Variants in SLC34A1 observed in about 807,000 individuals in gnomAD.
SLC34A1 encodes the protein sodium-dependent phosphate transport protein 2A.
A neutral mutation model predicts 51.4 loss-of-function variants in SLC34A1; 57 were observed. The ratio of observed to expected loss-of-function variants is 1.11; its 90% CI spans 0.90 to 1.38. The LOEUF (loss-of-function observed/expected upper bound fraction) is 1.38. SLC34A1 is among the 40% of genes most tolerant of loss of function. The pLI is 0.00. For synonymous variants in SLC34A1, 368 were observed against 358.0 expected, an observed-to-expected ratio of 1.03 and a Z score of -0.32; for missense variants, 796 against 835.6, an observed-to-expected ratio of 0.95 and a Z score of 0.58.
rs199553320 is a variant in SLC34A1, at chr5:177,396,830, G to A, written c.1272G>A (p.Ser424=). ...TCCAGAGCAGTTCTGTGTTCACCTC[G>A]GCCATCACCCCACTCATCGGTGAGT... ...FVVQSSSVFT[S]AITPLIGLGV... The change falls in exon 11 of 13, where the codon TCG becomes TCA. Residue 424 remains serine, a synonymous_variant. Transcript: ENST00000324417. The surrounding 1 kb of genome is among the most constrained non-coding windows in gnomAD (Gnocchi z 4.0). 19 of 1,614,214 alleles carry A rather than the reference G, an allele frequency of 1.2e-5. No individual in the cohort carries two copies. The East Asian group carries it at 2.2e-4, about 19-fold the overall frequency.
rs749842678 is a variant in SLC34A1 at position 177,385,992 on chromosome 5, C to A, written c.115C>A (p.His39Asn). Residue 39 changes from histidine (H) to asparagine (N), a missense_variant, in exon 3 of 13, where the codon CAC becomes AAC. His to Asn is a moderately conservative substitution (Grantham distance 68). Coordinates refer to ENST00000324417, the MANE Select transcript of SLC34A1 (RefSeq NM_003052.5). ...FAYVPSPQVL[H>N]RIPGTSAYAF... ...TGACCAGGCTCCCTCCCTAGTCCTA[C>A]ACAGGATCCCGGGGACCTCTGCCTA... is the stretch of plus-strand genomic sequence containing the variant. 1 of 1,610,614 alleles carries A rather than the reference C, an allele frequency of 6.2e-7. No individual in the cohort carries two copies. The highest frequency in any genetic ancestry group is 8.5e-7 in the Non-Finnish European group (1 of 1,178,956).
chr5:177,392,257 T>C (rs552112674), intron 8 of SLC34A1, among the ~76,000 whole-genome samples: 1 of 151,990 alleles, frequency 6.6e-6, no homozygotes, highest in East Asian at 1.9e-4. Context: ...AGGTCAGGAG[T>C]TCGAGATCAG....
chr5:177,397,256 A>G (rs1763001675), intron 12 of SLC34A1, 182 bp downstream of exon 12: 1 of 667,070 alleles, frequency 1.5e-6, no homozygotes, highest in South Asian at 1.9e-5. Context: ...CTTAGCATCT[A>G]ATAGGGAGAC....
At chr5:177,392,266 A>G (rs1762831314) in intron 8 of SLC34A1, among the ~76,000 whole-genome samples, 1 of 152,208 alleles carries the variant, frequency 6.6e-6, no homozygotes, top group Non-Finnish European at 1.5e-5. Context: ...GTTCGAGATC[A>G]GCCTGGCCAA....
Position 177,398,731 on chromosome 5 carries a change from T to G in SLC34A1, c.*445T>G. On this transcript the variant is annotated 3_prime_UTR_variant, in exon 13 of 13. Transcript: ENST00000324417. The surrounding 1 kb of genome is among the most constrained non-coding windows in gnomAD (Gnocchi z 4.7). The stretch of plus-strand genomic sequence containing the variant: ...TTGCACACCTCCTTGCCACCTTCCT[T>G]CCTCCAAGATACCATCTCCTCATCC... 1 of 198,560 alleles carries G rather than the reference T, an allele frequency of 5.0e-6. No individual in the cohort carries two copies. 12.3% of individuals were successfully genotyped at this position (198,560 alleles called of 1,614,324 possible).
chr5:177,397,616 A>C (rs1763011643), intron 12 of SLC34A1, 167 bp from the exon 13 acceptor site: 1 of 814,008 alleles, frequency 1.2e-6, no homozygotes, highest in African/African-American at 1.7e-5. Flanking sequence ...TTGCATAGCC[A>C]GCATAGCCAC....
Position 177,387,883 on chromosome 5 carries a change from G to C in SLC34A1, c.644+10G>C. On this transcript the variant is annotated intron_variant, in intron 6 of 12. Coordinates refer to ENST00000324417, the MANE Select transcript of SLC34A1 (RefSeq NM_003052.5). ...GGACTGACTTCCGGCGGTGAGGGGG[G>C]CTGGGGGTTGGGGGCTCGTGCCTGG... 6.2e-7 allele frequency: 1 copy of C among 1,607,850 alleles called. No homozygotes were observed. Among genetic ancestry groups the C allele is most frequent in the Non-Finnish European group, 8.5e-7 (1 of 1,176,878 alleles).
At position 177,394,010 on chromosome 5, in the gene SLC34A1, G is replaced by C. The variant is rs1762883492; in HGVS notation, c.1007-18G>C. 1.9e-6 allele frequency: 3 copies of C among 1,613,844 alleles called. No homozygotes were observed. The highest frequency in any genetic ancestry group is 1.7e-6 in the Non-Finnish European group (2 of 1,180,004). On this transcript the variant is annotated intron_variant, in intron 9 of 12. Coordinates refer to ENST00000324417, the MANE Select transcript of SLC34A1 (RefSeq NM_003052.5). ...AGCCAGGTGTGGGGTCAGCTGTCAG[G>C]AGCTCCACCCCCTGCAGGCAACCAC...
At chr5:177,389,662 C>A in intron 8 of SLC34A1, 1 of 1,537,250 alleles carries the variant, frequency 6.5e-7, no homozygotes, top group Non-Finnish European at 8.7e-7. Flanking sequence ...GGAGAGAAAT[C>A]ACACACTTTG....
chr5:177,394,248 CCTG>C (rs1581645833), intron 10 of SLC34A1, 53 bp downstream of exon 10: 1 of 1,557,552 alleles, frequency 6.4e-7, no homozygotes, highest in East Asian at 2.2e-5. Context: ...CTTTCCAGAT[CCTG>C]CTAAGTCCTG....
chr5:177,393,824 G>C, intron 9 of SLC34A1, 61 bp downstream of exon 9: 1 of 1,567,938 alleles, frequency 6.4e-7, no homozygotes. Flanking sequence ...GCAGTGGCAG[G>C]GCAATCCCAC....
chr5:177,386,983 G>A lies in SLC34A1; in HGVS notation c.532+417G>A, dbSNP rs541805321. The stretch of plus-strand genomic sequence containing the variant: ...TTCTTAAAGTCAGCTGACTGTAGAC[G>A]TGAATTGCATCTACAAAACACCTTA... On this transcript the variant is annotated intron_variant, in intron 5 of 12. Transcript: ENST00000324417. The surrounding 1 kb of genome is among the most constrained non-coding windows in gnomAD (Gnocchi z 4.8). Among the ~76,000 whole-genome samples, 45 of 152,172 alleles carry A rather than the reference G, an allele frequency of 3.0e-4. No homozygotes were observed. The highest frequency in any genetic ancestry group is 5.1e-4 in the Non-Finnish European group (35 of 68,006).
chr5:177,397,547 A>C, intron 12 of SLC34A1: 1 of 599,212 alleles, frequency 1.7e-6, no homozygotes, highest in Non-Finnish European at 3.0e-6. Context: ...TCAGTGGGGA[A>C]AATGTGGGGA....
At position 177,388,500 on chromosome 5, in the gene SLC34A1, T is replaced by C. The variant is rs1471968851; in HGVS notation, c.936+128T>C. On this transcript the variant is annotated intron_variant, in intron 8 of 12. Coordinates refer to ENST00000324417, the MANE Select transcript of SLC34A1 (RefSeq NM_003052.5). The surrounding 1 kb of genome is among the most constrained non-coding windows in gnomAD (Gnocchi z 4.3). Reference sequence around the variant, plus strand: ...CAGGAGAGGGCAAATATGTGGCCCTTCTACTGTGCTTACAGTTAACATTGC... The same window carrying C: ...CAGGAGAGGGCAAATATGTGGCCCTCCTACTGTGCTTACAGTTAACATTGC... The C allele has an allele frequency of 2.5e-6, 2 of 786,188 alleles. No individual in the cohort carries two copies. Among genetic ancestry groups the C allele is most frequent in the Non-Finnish European group, 4.4e-6 (2 of 458,424 alleles). 48.7% of individuals were successfully genotyped at this position (786,188 alleles called of 1,614,324 possible). A position where few individuals can be genotyped will look rare whatever the true frequency, so the allele number is the denominator to read the frequency against.
intron 8 of SLC34A1, among the ~76,000 whole-genome samples, chr5:177,391,898 G>A (rs1268858572): frequency 6.6e-6 from 1 of 152,202 alleles, no homozygotes; most frequent in African/African-American, 2.4e-5. Flanking sequence ...TAAGAAGCAG[G>A]ATTTGAACTC....
rs542593695 is a variant in SLC34A1 at position 177,394,005 on chromosome 5, G to C, written c.1007-23G>C. ...CTGGGAGCCAGGTGTGGGGTCAGCTGTCAGGAGCTCCACCCCCTGCAGGCA... is the reference window on the plus strand; with the variant it reads ...CTGGGAGCCAGGTGTGGGGTCAGCTCTCAGGAGCTCCACCCCCTGCAGGCA... On this transcript the variant is annotated intron_variant, in intron 9 of 12. Transcript: ENST00000324417. The C allele has an allele frequency of 5.6e-6, 9 of 1,613,758 alleles. No individual in the cohort carries two copies. In the South Asian group the frequency reaches 6.6e-5, roughly 12 times the overall value.
intron 5 of SLC34A1, among the ~76,000 whole-genome samples, chr5:177,387,167 G>A (rs564795530): frequency 2.6e-5 from 4 of 151,388 alleles, no homozygotes; most frequent in African/African-American, 4.8e-5. Context: ...TCAGTAGATC[G>A]AGACCACCCT....
At chr5:177,390,627 CT>C (rs1183833926) in intron 8 of SLC34A1, 1 of 153,246 alleles carries the variant, frequency 6.5e-6, no homozygotes, top group African/African-American at 2.4e-5. Context: ...GTGGAGACGA[CT>C]CCAGAGATAG....
rs1763041303 is a variant in SLC34A1 at position 177,398,363 on chromosome 5, A to T, written c.*77A>T. On this transcript the variant is annotated 3_prime_UTR_variant, in exon 13 of 13. Coordinates refer to ENST00000324417, the MANE Select transcript of SLC34A1 (RefSeq NM_003052.5). This position sits in a 1 kb window ranked among gnomAD's most constrained non-coding sequence, Gnocchi z 4.7. ...CAGGGGAGGGAGGGTGTGTGTAGGT[A>T]TGTGCATGTGCCTGTGCCACCCTGG... is the stretch of plus-strand genomic sequence containing the variant. The T allele has an allele frequency of 6.5e-7, 1 of 1,540,120 alleles. No homozygotes were observed. The highest frequency in any genetic ancestry group is 8.9e-7 in the Non-Finnish European group (1 of 1,128,302).
Sources: allele counts gnomAD v4.1 joint callset (sites outside exome capture counted in the v4.1 genomes callset), GRCh38; gene constraint gnomAD v4.1.1; non-coding constraint Gnocchi (gnomAD v3.1); transcripts MANE v1.5; gene names NCBI Gene and HGNC (gene_info 2026-07-23, HGNC 2026-07-21).